FOCAD: variants seen among roughly 807,000 people sequenced by gnomAD.
The protein encoded by FOCAD is KIAA1797.
A neutral mutation model predicts 225.6 loss-of-function variants in FOCAD; 198 were observed. That is an observed-to-expected ratio of 0.88 (90% CI 0.78 to 0.99). The LOEUF is 0.99. Among genes scored for constraint, FOCAD ranks in the 50% least tolerant of loss-of-function variants. The pLI is 0.00. For synonymous variants in FOCAD, 897 were observed against 755.0 expected (o/e 1.19, Z -3.08); for missense variants, 2,713 against 2,123.6 (o/e 1.28, Z -5.46).
At chr9:20,948,128 T>TA in intron 30 of FOCAD, 143 bp from the exon 31 acceptor site, 1 of 853,670 alleles carries the variant, frequency 1.2e-6, no homozygotes, top group Non-Finnish European at 1.7e-6. Context: ...AAAAAACACT[T>TA]AAGTCTGATT....
chr9:20,994,009 G>A (rs529513402), intron 43 of FOCAD, among the ~76,000 whole-genome samples: 1 of 152,198 alleles, frequency 6.6e-6, no homozygotes, highest in South Asian at 2.1e-4. Flanking sequence ...TTCTGTGTGT[G>A]TTGTCTTACA....
chr9:20,951,256 C>T (rs1837661220), intron 34 of FOCAD, among the ~76,000 whole-genome samples, 158 bp downstream of exon 34: 1 of 152,120 alleles, frequency 6.6e-6, no homozygotes, highest in Non-Finnish European at 1.5e-5. Flanking sequence ...GGAAAGGCTT[C>T]CTGACTTACC....
intron 11 of FOCAD, among the ~76,000 whole-genome samples, chr9:20,807,569 T>C (rs79644223): frequency 1.3e-5 from 2 of 152,356 alleles, no homozygotes; most frequent in East Asian, 1.9e-4. Context: ...GTATGTTATA[T>C]ATATGTATTT....
chr9:20,702,997 A>G (rs1824088225), intron 1 of FOCAD, among the ~76,000 whole-genome samples: 2 of 151,972 alleles, frequency 1.3e-5, no homozygotes, highest in South Asian at 4.2e-4. Context: ...ACTGAGCAAG[A>G]CTCCATCTCA....
intron 1 of FOCAD, among the ~76,000 whole-genome samples, chr9:20,712,293 C>T (rs569485879): frequency 3.1e-4 from 47 of 152,204 alleles, no homozygotes; most frequent in Middle Eastern, 3.4e-3. Flanking sequence ...AGTAAAAAAA[C>T]GCCGTGGTAA....
chr9:20,811,268 G>C (rs535500456), intron 11 of FOCAD, among the ~76,000 whole-genome samples: 1 of 152,192 alleles, frequency 6.6e-6, no homozygotes, highest in African/African-American at 2.4e-5. Context: ...TTTAGTGTTA[G>C]ATTGCTTTGA....
chr9:20,792,241 T>A (rs1046338201), intron 11 of FOCAD, among the ~76,000 whole-genome samples: 2 of 152,186 alleles, frequency 1.3e-5, no homozygotes, highest in African/African-American at 2.4e-5. Context: ...AATACTTAGG[T>A]ATCTGAACTG....
intron 19 of FOCAD, 135 bp from the exon 20 acceptor site, chr9:20,881,736 C>T: frequency 1.3e-6 from 1 of 791,198 alleles, no homozygotes; most frequent in Non-Finnish European, 2.0e-6. Context: ...GGATAGGTAT[C>T]AAGAGGTCTC....
chr9:20,912,816 TCA>T (rs771972093), intron 22 of FOCAD, 48 bp from the exon 23 acceptor site: 1 of 1,463,102 alleles, frequency 6.8e-7, no homozygotes, highest in Admixed American at 1.7e-5. Context: ...AATTTTAAGA[TCA>T]CTTCAGCCAT....
chr9:20,953,098 C>G (rs1451867439), intron 35 of FOCAD, 33 bp downstream of exon 35: 3 of 1,533,602 alleles, frequency 2.0e-6, no homozygotes, highest in East Asian at 2.3e-5. Context: ...TTTTATCATT[C>G]TATCTCCATG....
At position 20,995,587 on chromosome 9, in the gene FOCAD, G is replaced by A; in HGVS notation, c.5364G>A (p.Glu1788=). Residue 1788 remains glutamate (E), a synonymous_variant, in exon 44 of 44, where the codon GAG becomes GAA. Coordinates refer to ENST00000338382, the MANE Select transcript of FOCAD (RefSeq NM_001375567.1). The part of the protein sequence containing the change: ...ATLLSLRVLP[E]FKKKAVWTRA... ...TGCTGTCCTTGAGAGTTCTCCCAGA[G>A]TTTAAGAAGAAAGCTGTATGGACCA... is the stretch of plus-strand genomic sequence containing the variant. 6.2e-7 allele frequency: 1 copy of A among 1,612,946 alleles called. No homozygotes were observed. The highest frequency in any genetic ancestry group is 8.5e-7 in the Non-Finnish European group (1 of 1,179,020).
rs1003728305 is a variant in FOCAD at position 20,929,421 on chromosome 9, T to A, written c.3142T>A (p.Ser1048Thr). The A allele has an allele frequency of 1.1e-5, 17 of 1,613,992 alleles. No individual in the cohort carries two copies. Among genetic ancestry groups the A allele is most frequent in the Non-Finnish European group, 1.4e-5 (16 of 1,180,026 alleles). The change falls in exon 27 of 44, where the codon TCT (serine) becomes ACT (threonine). Residue 1048 changes from serine (S) to threonine (T), a missense_variant. By Grantham distance (58) the Ser-to-Thr change is moderately conservative (BLOSUM62 1). Transcript: ENST00000338382. The stretch of plus-strand genomic sequence containing the variant: ...CCGTTCTGCTGCCGCCACGGCTTTG[T>A]CTCTCCTTGTGCCAGTTTTCATTAT... ...IARSAAATAL[S>T]LLVPVFIISC...
At chr9:20,668,009 T>C (rs543673836) in intron 2 of FOCAD, among the ~76,000 whole-genome samples, 2 of 152,338 alleles carry the variant, frequency 1.3e-5, no homozygotes, top group African/African-American at 4.8e-5. Flanking sequence ...CTTTTACATT[T>C]GCTGAAAGAA....
At chr9:20,864,919 A>G (rs1223359039) in intron 16 of FOCAD, among the ~76,000 whole-genome samples, 1 of 152,094 alleles carries the variant, frequency 6.6e-6, no homozygotes, top group Non-Finnish European at 1.5e-5. Context: ...ACAGAAACTA[A>G]ACCTTTGAGA....
chr9:20,747,126 C>G (rs1190767925), intron 5 of FOCAD, among the ~76,000 whole-genome samples: 3 of 152,120 alleles, frequency 2.0e-5, no homozygotes, highest in Non-Finnish European at 4.4e-5. Flanking sequence ...TCATTAAGCT[C>G]AGCACTCCCA....
At chr9:20,717,581 C>G (rs1825438061) in intron 2 of FOCAD, among the ~76,000 whole-genome samples, 1 of 152,234 alleles carries the variant, frequency 6.6e-6, no homozygotes, top group South Asian at 2.1e-4. Context: ...TATTGGTAAC[C>G]TGGGATAGAT....
intron 19 of FOCAD, 144 bp downstream of exon 19, chr9:20,874,951 T>C: frequency 9.7e-7 from 1 of 1,026,100 alleles, no homozygotes; most frequent in Non-Finnish European, 1.5e-6. Context: ...CCATCTGTTC[T>C]ATTGAAACAG....
At chr9:20,660,286 T>G (rs1821674424) in intron 2 of FOCAD, among the ~76,000 whole-genome samples, 1 of 152,202 alleles carries the variant, frequency 6.6e-6, no homozygotes. Context: ...TCACATATCC[T>G]TACAATGACC....
chr9:20,736,065 C>T (rs1236140817), intron 4 of FOCAD, among the ~76,000 whole-genome samples: 2 of 152,098 alleles, frequency 1.3e-5, no homozygotes, highest in African/African-American at 4.8e-5. Context: ...TTTGGACTTA[C>T]TGAGTTTTAT....
Sources: allele counts gnomAD v4.1 joint callset (sites outside exome capture counted in the v4.1 genomes callset), GRCh38; gene constraint gnomAD v4.1.1; transcripts MANE v1.5; gene names NCBI Gene and HGNC (gene_info 2026-07-23, HGNC 2026-07-21).